Variants in SLC25A13 observed in about 807,000 individuals in gnomAD.
SLC25A13 encodes the protein solute carrier family 25 member 13.
In SLC25A13, 70 loss-of-function variants were observed where a neutral mutation model predicts 85.5. That is an observed-to-expected ratio of 0.82 (90% CI 0.68 to 1.00). SLC25A13 has a LOEUF of 1.00. SLC25A13 is among the 50% of genes least tolerant of loss of function. The pLI is 0.00. For missense variants in SLC25A13, 765 were observed against 819.8 expected, an observed-to-expected ratio of 0.93 and a Z score of 0.82; for synonymous variants, 259 against 288.7, an observed-to-expected ratio of 0.90 and a Z score of 1.04.
At chr7:96,130,594 A>T (rs895610746) in intron 15 of SLC25A13, among the ~76,000 whole-genome samples, 2 of 152,234 alleles carry the variant, frequency 1.3e-5, no homozygotes, top group African/African-American at 2.4e-5. Flanking sequence ...ATTTGAAATA[A>T]ATTATAACCC....
intron 1 of SLC25A13, among the ~76,000 whole-genome samples, chr7:96,304,921 A>G (rs920272655): frequency 6.6e-6 from 1 of 152,246 alleles, no homozygotes; most frequent in Admixed American, 6.5e-5. Context: ...GAGTGGCAGG[A>G]GAATTAATAC....
At chr7:96,280,071 G>A (rs1484567317) in intron 2 of SLC25A13, among the ~76,000 whole-genome samples, 1 of 152,120 alleles carries the variant, frequency 6.6e-6, no homozygotes, top group African/African-American at 2.4e-5. Flanking sequence ...TCGAATGACA[G>A]CTCTTGTCAT....
At chr7:96,238,607 T>C (rs1048359010) in intron 3 of SLC25A13, among the ~76,000 whole-genome samples, 4 of 152,042 alleles carry the variant, frequency 2.6e-5, no homozygotes, top group African/African-American at 9.7e-5. Flanking sequence ...AAGAAGACCT[T>C]GAGGAATTCA....
intron 1 of SLC25A13, among the ~76,000 whole-genome samples, chr7:96,314,344 T>A (rs1554387745): frequency 6.6e-6 from 1 of 152,164 alleles, no homozygotes; most frequent in Non-Finnish European, 1.5e-5. Flanking sequence ...TGGTGACTTT[T>A]AGGAGAAGGA....
intron 2 of SLC25A13, among the ~76,000 whole-genome samples, chr7:96,282,393 G>A (rs978717157): frequency 1.3e-5 from 2 of 152,152 alleles, no homozygotes; most frequent in African/African-American, 4.8e-5. Flanking sequence ...TACCCATTTT[G>A]TCATGAATCA....
chr7:96,227,442 TACTC>T (rs1052577812), intron 4 of SLC25A13, among the ~76,000 whole-genome samples: 3 of 152,226 alleles, frequency 2.0e-5, no homozygotes, highest in African/African-American at 7.2e-5. Context: ...ATTAATGACT[TACTC>T]TAAAATTGTT....
chr7:96,316,468 G>A (rs989084205), intron 1 of SLC25A13, among the ~76,000 whole-genome samples: 1 of 152,160 alleles, frequency 6.6e-6, no homozygotes, highest in Non-Finnish European at 1.5e-5. Context: ...CCGATGGCAT[G>A]TGAACTCTCA....
chr7:96,248,470 A>G (rs1357898409), intron 3 of SLC25A13, among the ~76,000 whole-genome samples: 1 of 152,164 alleles, frequency 6.6e-6, no homozygotes, highest in Non-Finnish European at 1.5e-5. Context: ...GAGATTCCAG[A>G]TACTACTACG....
chr7:96,129,255 TA>T (rs1280694955), intron 15 of SLC25A13, among the ~76,000 whole-genome samples: 1 of 152,142 alleles, frequency 6.6e-6, no homozygotes, highest in African/African-American at 2.4e-5. Flanking sequence ...TTAGTTGTGT[TA>T]AGCTGATTAA....
intron 15 of SLC25A13, 123 bp from the exon 16 acceptor site, chr7:96,122,120 T>C: frequency 7.7e-7 from 1 of 1,295,900 alleles, no homozygotes; most frequent in Non-Finnish European, 1.1e-6. Context: ...ATGCCTATTT[T>C]GCTGTCCTCT....
intron 4 of SLC25A13, among the ~76,000 whole-genome samples, chr7:96,214,149 T>C (rs1584464680): frequency 6.6e-6 from 1 of 152,154 alleles, no homozygotes; most frequent in East Asian, 1.9e-4. Flanking sequence ...GAGAAGACAA[T>C]TACAAAGTGG....
intron 4 of SLC25A13, among the ~76,000 whole-genome samples, chr7:96,221,053 CG>C (rs1228021235): frequency 1.3e-5 from 2 of 152,152 alleles, no homozygotes; most frequent in African/African-American, 4.8e-5. Context: ...CATTTGAGCA[CG>C]GGCGATTCTT....
chr7:96,296,446 G>A (rs923710981), intron 2 of SLC25A13, among the ~76,000 whole-genome samples: 3 of 151,156 alleles, frequency 2.0e-5, no homozygotes, highest in Non-Finnish European at 4.4e-5. Context: ...AGACGTATTT[G>A]TAAGGCTCTC....
intron 5 of SLC25A13, among the ~76,000 whole-genome samples, chr7:96,195,018 C>G (rs781674233): frequency 6.6e-6 from 1 of 152,176 alleles, no homozygotes; most frequent in Non-Finnish European, 1.5e-5. Context: ...CATCTTCTCA[C>G]TCTACTCTCC....
At chr7:96,308,972 A>G (rs906962315) in intron 1 of SLC25A13, among the ~76,000 whole-genome samples, 3 of 152,222 alleles carry the variant, frequency 2.0e-5, no homozygotes, top group Non-Finnish European at 2.9e-5. Context: ...ACCATAAAAA[A>G]AGAATCTAGG....
chr7:96,217,122 A>C (rs192902408), intron 4 of SLC25A13, among the ~76,000 whole-genome samples: 1 of 152,234 alleles, frequency 6.6e-6, no homozygotes, highest in Non-Finnish European at 1.5e-5. Context: ...AGGCACATGA[A>C]AAGATGTTAA....
At chr7:96,287,606 T>C (rs779139524) in intron 2 of SLC25A13, among the ~76,000 whole-genome samples, 1 of 152,130 alleles carries the variant, frequency 6.6e-6, no homozygotes, top group Non-Finnish European at 1.5e-5. Flanking sequence ...GATACATCGT[T>C]CCAAACTAAG....
At chr7:96,219,813 T>C in intron 4 of SLC25A13, 1 of 511,306 alleles carries the variant, frequency 2.0e-6, no homozygotes, top group South Asian at 1.5e-5. Flanking sequence ...CATACACTAT[T>C]TAAGTCATCA....
At chr7:96,277,746 A>C (rs1441097522) in intron 2 of SLC25A13, among the ~76,000 whole-genome samples, 1 of 152,152 alleles carries the variant, frequency 6.6e-6, no homozygotes, top group East Asian at 1.9e-4. Flanking sequence ...GGTTTATAGA[A>C]ATTTGGAAAG....
Sources: allele counts gnomAD v4.1 joint callset (sites outside exome capture counted in the v4.1 genomes callset), GRCh38; gene constraint gnomAD v4.1.1; transcripts MANE v1.5; gene names NCBI Gene and HGNC (gene_info 2026-07-23, HGNC 2026-07-21).